The following BBX variants were observed in gnomAD, a reference collection of about 807,000 sequenced individuals.
BBX encodes the protein HMG box transcription factor BBX.
In BBX, 30 loss-of-function variants were observed where a neutral mutation model predicts 100.2. That is an observed-to-expected ratio of 0.30 (90% CI 0.22 to 0.41). The LOEUF is 0.41. Among genes scored for constraint, BBX ranks in the 10% least tolerant of loss-of-function variants. The pLI, the probability that BBX is intolerant of heterozygous loss-of-function variation, is 1.00. For missense variants in BBX, 1,023 were observed against 1,129.8 expected (o/e 0.91, Z 1.35); for synonymous variants, 376 against 388.1 (o/e 0.97, Z 0.37).
At chr3:107,577,955 A>G (rs948809879) in intron 2 of BBX, among the ~76,000 whole-genome samples, 23 of 152,224 alleles carry the variant, frequency 1.5e-4, no homozygotes, top group Non-Finnish European at 8.8e-5. Flanking sequence ...TAGGGGGAAA[A>G]AAACCCTTGA....
intron 2 of BBX, among the ~76,000 whole-genome samples, chr3:107,642,568 A>G (rs1478408000): frequency 6.6e-6 from 1 of 152,224 alleles, no homozygotes; most frequent in Non-Finnish European, 1.5e-5. Context: ...CTCTTAAATT[A>G]GAAATACAGT....
rs950990123 is a variant in BBX, at chr3:107,805,533, C to A, written c.*76C>A. On this transcript the variant is annotated 3_prime_UTR_variant, in exon 18 of 18. Transcript: ENST00000325805. ...TCTTTACCGAGGGATGCTAGTGAGT[C>A]CAAGTGGTGGAAAATATAGACTGCA... 2 of 1,611,256 alleles carry A rather than the reference C, an allele frequency of 1.2e-6. No individual in the cohort carries two copies. Among genetic ancestry groups the A allele is most frequent in the African/African-American group, 2.7e-5 (2 of 74,828 alleles).
chr3:107,779,024 C>CATATATATATATATATAT (rs2067595855), intron 13 of BBX, among the ~76,000 whole-genome samples: 2 of 85,148 alleles, frequency 2.3e-5, no homozygotes, highest in African/African-American at 1.0e-4. Flanking sequence ...TATATATACA[C>CATATATATATATATATAT]ACACACACAC....
intron 10 of BBX, among the ~76,000 whole-genome samples, chr3:107,765,982 A>G (rs1013832725): frequency 1.0e-5 from 1 of 95,560 alleles, no homozygotes; most frequent in Admixed American, 1.2e-4. Flanking sequence ...ATTTACTTGT[A>G]ATGATTTTCA....
intron 10 of BBX, among the ~76,000 whole-genome samples, chr3:107,759,843 A>T (rs1165085910): frequency 6.6e-6 from 1 of 152,220 alleles, no homozygotes; most frequent in Non-Finnish European, 1.5e-5. Flanking sequence ...GCATAAGCCT[A>T]AAAAGATTGC....
chr3:107,732,240 A>G (rs1214449315), intron 6 of BBX, among the ~76,000 whole-genome samples: 5 of 151,914 alleles, frequency 3.3e-5, no homozygotes, highest in Non-Finnish European at 7.4e-5. Context: ...TTTAGATACA[A>G]CCTGGGTTAT....
At chr3:107,619,729 C>T (rs148991557) in intron 2 of BBX, among the ~76,000 whole-genome samples, 15 of 152,148 alleles carry the variant, frequency 9.9e-5, no homozygotes, top group Non-Finnish European at 1.6e-4. Context: ...GATCCTGGAT[C>T]GACAGTCCTT....
intron 3 of BBX, among the ~76,000 whole-genome samples, chr3:107,680,025 T>C (rs1391434378): frequency 6.6e-6 from 1 of 152,142 alleles, no homozygotes; most frequent in African/African-American, 2.4e-5. Flanking sequence ...CAGGGAAGGC[T>C]GGGAGGAACA....
At chr3:107,753,668 G>A (rs908903022) in intron 9 of BBX, among the ~76,000 whole-genome samples, 20 of 152,094 alleles carry the variant, frequency 1.3e-4, no homozygotes, top group Admixed American at 1.1e-3. Context: ...TGACACACAC[G>A]GGGAACAAAA....
At chr3:107,617,157 C>T (rs1335030888) in intron 2 of BBX, among the ~76,000 whole-genome samples, 1 of 151,980 alleles carries the variant, frequency 6.6e-6, no homozygotes, top group East Asian at 1.9e-4. Context: ...ATCCTTCCTC[C>T]ATTGAATTGC....
chr3:107,638,774 A>T (rs2057002898), intron 2 of BBX, among the ~76,000 whole-genome samples: 1 of 130,422 alleles, frequency 7.7e-6, no homozygotes. Flanking sequence ...AAAAAAAAAA[A>T]AAGTATACAC....
At chr3:107,731,641 GT>G (rs2107523376) in intron 6 of BBX, among the ~76,000 whole-genome samples, 1 of 151,926 alleles carries the variant, frequency 6.6e-6, no homozygotes, top group South Asian at 2.1e-4. Context: ...TGGTAACATA[GT>G]TTTTCCTCTA....
intron 3 of BBX, among the ~76,000 whole-genome samples, chr3:107,647,866 G>T (rs2057615458): frequency 6.6e-6 from 1 of 152,090 alleles, no homozygotes; most frequent in Non-Finnish European, 1.5e-5. Context: ...CAGTCTTTCT[G>T]GCATGTACAT....
intron 2 of BBX, among the ~76,000 whole-genome samples, chr3:107,540,818 C>G (rs572365360): frequency 1.6e-4 from 24 of 152,256 alleles, no homozygotes; most frequent in African/African-American, 5.8e-4. Context: ...TATACTATTA[C>G]AATTAGTACT....
At position 107,593,401 on chromosome 3, in the gene BBX, ATTT is replaced by A. The variant is rs565875826; in HGVS notation, c.-83-52433_-83-52431del. 1.8e-3 allele frequency among the ~76,000 whole-genome samples: 272 copies of A among 152,306 alleles called. 4 individuals are homozygous for A. The Middle Eastern group carries it at 0.048, about 27-fold the overall frequency. On this transcript the variant is annotated intron_variant, in intron 2 of 17. Coordinates refer to ENST00000325805, the MANE Select transcript of BBX (RefSeq NM_001142568.3). ...TCACTAATCCACTAAATCCTAATCA[ATTT>A]TGGTGATCTGAGATTATTACTGCCT... is the stretch of plus-strand genomic sequence containing the variant.
intron 7 of BBX, among the ~76,000 whole-genome samples, chr3:107,740,866 A>G (rs1406780247): frequency 6.6e-6 from 1 of 150,854 alleles, no homozygotes. Flanking sequence ...ACCATTATGC[A>G]CTTACATTTT....
chr3:107,651,557 C>T (rs1328273915), intron 3 of BBX, among the ~76,000 whole-genome samples: 1 of 152,050 alleles, frequency 6.6e-6, no homozygotes, highest in Admixed American at 6.5e-5. Flanking sequence ...ATACCTGTTT[C>T]TGTTTACTTT....
chr3:107,532,930 G>A (rs1473591358), intron 2 of BBX, among the ~76,000 whole-genome samples: 1 of 151,852 alleles, frequency 6.6e-6, no homozygotes, highest in Non-Finnish European at 1.5e-5. Flanking sequence ...TAGTAGTATT[G>A]GAAATAGATT....
chr3:107,678,238 C>T (rs2059386922), intron 3 of BBX, among the ~76,000 whole-genome samples: 1 of 151,802 alleles, frequency 6.6e-6, no homozygotes, highest in South Asian at 2.1e-4. Context: ...TTGCCCCCCA[C>T]CCCCATTTTT....
Sources: gnomAD v4.1 joint callset for allele counts (sites outside exome capture counted in the v4.1 genomes callset) on GRCh38, gnomAD v4.1.1 for gene constraint, MANE v1.5 for transcripts, NCBI Gene and HGNC (gene_info 2026-07-23, HGNC 2026-07-21) for gene names.